The following CTDSP2 variants were observed in gnomAD, a reference collection of about 807,000 sequenced individuals.
CTDSP2 encodes CTD small phosphatase 2.
Under a neutral mutation model 31.6 loss-of-function variants are expected in CTDSP2, and 9 were observed. That is an observed-to-expected ratio of 0.28 (90% CI 0.17 to 0.50). The LOEUF (loss-of-function observed/expected upper bound fraction) is 0.50, where lower values mean the gene tolerates loss of function less well. Ranked by LOEUF, CTDSP2 falls within the 20% of genes least tolerant of loss-of-function variation. The pLI is 0.98. For synonymous variants in CTDSP2, 134 were observed against 134.5 expected (o/e 1.00, Z 0.03); for missense variants, 267 against 348.5 (o/e 0.77, Z 1.86).
intron 5 of CTDSP2, 81 bp from the exon 6 acceptor site, chr12:57,824,400 G>A: frequency 1.9e-6 from 2 of 1,034,066 alleles, no homozygotes; most frequent in Non-Finnish European, 3.0e-6. Context: ...CAGTTACACA[G>A]CAGCAAGGAG....
chr12:57,844,375 G>A (rs1207686407), intron 1 of CTDSP2, among the ~76,000 whole-genome samples: 1 of 152,196 alleles, frequency 6.6e-6, no homozygotes, highest in African/African-American at 2.4e-5. Context: ...CACCCTGGTG[G>A]ATGAAACTTC....
chr12:57,831,178 G>T (rs1045591926), intron 1 of CTDSP2, among the ~76,000 whole-genome samples: 1 of 151,800 alleles, frequency 6.6e-6, no homozygotes, highest in Non-Finnish European at 1.5e-5. Flanking sequence ...CTTTTGTGCT[G>T]GGTGTGGTGG....
chr12:57,829,786 A>G (rs114310666), intron 1 of CTDSP2, among the ~76,000 whole-genome samples, 190 bp from the exon 2 acceptor site: 174 of 152,294 alleles, frequency 1.1e-3, no homozygotes, highest in African/African-American at 3.9e-3. Flanking sequence ...TTAAAGCAGG[A>G]ATGTCAGGAA....
intron 1 of CTDSP2, among the ~76,000 whole-genome samples, chr12:57,840,080 G>A (rs1956273521): frequency 6.6e-6 from 1 of 152,036 alleles, no homozygotes; most frequent in Non-Finnish European, 1.5e-5. Flanking sequence ...GAATTTTCCT[G>A]CTCGGGGCAA....
At chr12:57,840,474 G>T (rs1956276033) in intron 1 of CTDSP2, among the ~76,000 whole-genome samples, 1 of 152,164 alleles carries the variant, frequency 6.6e-6, no homozygotes, top group South Asian at 2.1e-4. Context: ...AGAAAACCTG[G>T]GTCTGCTGTC....
At position 57,829,638 on chromosome 12, in the gene CTDSP2, T is replaced by G; in HGVS notation, c.65-42A>C. ...GACAGAGGCTTTAGCTCTAGGGACATCAGTTTCTGTCCACAGATACTACCA... is the reference window on the plus strand; with the variant it reads ...GACAGAGGCTTTAGCTCTAGGGACAGCAGTTTCTGTCCACAGATACTACCA... On this transcript the variant is annotated intron_variant, in intron 1 of 7. Coordinates refer to ENST00000398073, the MANE Select transcript of CTDSP2 (RefSeq NM_005730.4). 3 of 1,578,510 alleles carry G rather than the reference T, an allele frequency of 1.9e-6. No homozygotes were observed. The South Asian group carries it at 3.3e-5, about 17-fold the overall frequency.
At chr12:57,841,794 A>C (rs995749667) in intron 1 of CTDSP2, among the ~76,000 whole-genome samples, 2 of 152,266 alleles carry the variant, frequency 1.3e-5, no homozygotes, top group African/African-American at 4.8e-5. Flanking sequence ...GGGCGAACAG[A>C]GTAGTCTAAC....
chr12:57,820,740 C>T lies in CTDSP2; in HGVS notation c.*2862G>A, dbSNP rs1956139921. On this transcript the variant is annotated 3_prime_UTR_variant, in exon 8 of 8. Transcript: ENST00000398073. ...GGACCCATGGGCCTACAGAGTGTTC[C>T]CTCTACAATGTGCAGAGTGGAAACC... The T allele has an allele frequency of 2.6e-5, 4 of 152,594 alleles. No individual in the cohort carries two copies. Among genetic ancestry groups the T allele is most frequent in the South Asian group, 2.1e-4 (1 of 4,824 alleles). The allele number at this position is 152,594 out of a possible 1,614,324, so 9.5% of individuals were successfully genotyped here.
chr12:57,841,486 G>C (rs2140484916), intron 1 of CTDSP2, among the ~76,000 whole-genome samples: 1 of 152,302 alleles, frequency 6.6e-6, no homozygotes, highest in Middle Eastern at 3.4e-3. Context: ...AGGAAGTTTA[G>C]ACTTTAGAGA....
chr12:57,823,451 C>T lies in CTDSP2; in HGVS notation c.*151G>A, dbSNP rs997198500. ...GGTCTGGCATTCGCCCACTCGGCAT[C>T]TAAGCTGTCCTAAAGCTCTTTCCAG... is the stretch of plus-strand genomic sequence containing the variant. On this transcript the variant is annotated 3_prime_UTR_variant, in exon 8 of 8. Coordinates refer to ENST00000398073, the MANE Select transcript of CTDSP2 (RefSeq NM_005730.4). 1 of 867,508 alleles carries T rather than the reference C, an allele frequency of 1.2e-6. No homozygotes were observed. The highest frequency in any genetic ancestry group is 1.7e-5 in the African/African-American group (1 of 59,136). The allele number at this position is 867,508 out of a possible 1,614,324, so 53.7% of individuals were successfully genotyped here. A position where few individuals can be genotyped will look rare whatever the true frequency, so the allele number is the denominator to read the frequency against.
chr12:57,839,824 T>C (rs1322968024), intron 1 of CTDSP2, among the ~76,000 whole-genome samples: 2 of 152,040 alleles, frequency 1.3e-5, no homozygotes, highest in African/African-American at 2.4e-5. Flanking sequence ...GTTTTCCTTA[T>C]CTGTAAAGTG....
intron 1 of CTDSP2, among the ~76,000 whole-genome samples, chr12:57,836,854 C>G (rs1370169113): frequency 6.6e-6 from 1 of 152,210 alleles, no homozygotes; most frequent in Non-Finnish European, 1.5e-5. Flanking sequence ...CTGAGACAAT[C>G]AGATTTTAAC....
intron 2 of CTDSP2, among the ~76,000 whole-genome samples, chr12:57,828,526 T>C (rs1172204618): frequency 3.3e-5 from 5 of 152,240 alleles, no homozygotes; most frequent in Non-Finnish European, 7.3e-5. Context: ...TTCAGTGTAC[T>C]GCCTTCAAAT....
At chr12:57,843,242 A>C (rs1956293595) in intron 1 of CTDSP2, among the ~76,000 whole-genome samples, 1 of 152,220 alleles carries the variant, frequency 6.6e-6, no homozygotes, top group African/African-American at 2.4e-5. Context: ...TCCCAAAGCC[A>C]AGGTCACAAC....
chr12:57,827,055 G>T lies in CTDSP2; in HGVS notation c.295C>A (p.Gln99Lys), dbSNP rs1025948959. The T allele has an allele frequency of 1.9e-6, 3 of 1,613,732 alleles. No individual in the cohort carries two copies. In the African/African-American group the frequency reaches 4.0e-5, roughly 22 times the overall value. The change falls in exon 4 of 8, where the codon CAA (glutamine) becomes AAA (lysine). Residue 99 changes from glutamine (Q) to lysine (K), a missense_variant. Coordinates refer to ENST00000398073, the MANE Select transcript of CTDSP2 (RefSeq NM_005730.4). ...TCAATGACCACACAGATCCTTCCTTGATCTTCCTCTGTCACCTCTGGGAGC... is the reference window on the plus strand; with the variant it reads ...TCAATGACCACACAGATCCTTCCTTTATCTTCCTCTGTCACCTCTGGGAGC... ...CLLPEVTEED[Q>K]GRICVVIDLD...
chr12:57,843,847 G>T (rs1016560741), intron 1 of CTDSP2, among the ~76,000 whole-genome samples: 2 of 152,204 alleles, frequency 1.3e-5, no homozygotes, highest in Non-Finnish European at 2.9e-5. Context: ...TTTAGTGGTT[G>T]CTGGGTGCCT....
At chr12:57,835,823 A>G (rs1956244480) in intron 1 of CTDSP2, among the ~76,000 whole-genome samples, 1 of 152,122 alleles carries the variant, frequency 6.6e-6, no homozygotes, top group South Asian at 2.1e-4. Context: ...GTATGCCCCC[A>G]CTGAGGATCA....
At position 57,824,337 on chromosome 12, in the gene CTDSP2, A is replaced by C. The variant is rs750591292; in HGVS notation, c.412-18T>G. 2.5e-6 allele frequency: 4 copies of C among 1,580,904 alleles called. No individual in the cohort carries two copies. The African/African-American group carries it at 4.0e-5, about 16-fold the overall frequency. Reference sequence around the variant, plus strand: ...ACATACACCTGAGGAAGAGCAGAGCAGCCTGTTGGAGGCATCCCTGTGATG... The same window carrying C: ...ACATACACCTGAGGAAGAGCAGAGCCGCCTGTTGGAGGCATCCCTGTGATG... On this transcript the variant is annotated intron_variant, in intron 5 of 7. Coordinates refer to ENST00000398073, the MANE Select transcript of CTDSP2 (RefSeq NM_005730.4).
intron 1 of CTDSP2, among the ~76,000 whole-genome samples, chr12:57,836,870 C>T (rs143902636): frequency 2.0e-5 from 3 of 152,316 alleles, no homozygotes; most frequent in Non-Finnish European, 2.9e-5. Context: ...TTAACAAGCC[C>T]ATTCAGGTAG....
Sources: gnomAD v4.1 joint callset for allele counts (sites outside exome capture counted in the v4.1 genomes callset) on GRCh38, gnomAD v4.1.1 for gene constraint, MANE v1.5 for transcripts, NCBI Gene and HGNC (gene_info 2026-07-23, HGNC 2026-07-21) for gene names.